The following AATF variants were observed in gnomAD, a reference collection of about 807,000 sequenced individuals.
The protein encoded by AATF is apoptosis antagonizing transcription factor.
Under a neutral mutation model 63.7 loss-of-function variants are expected in AATF, and 48 were observed. The observed-to-expected ratio is 0.75, with a 90% CI of 0.60 to 0.96. The LOEUF is 0.96. Ranked by LOEUF, AATF falls within the 40% of genes least tolerant of loss-of-function variation. AATF has a pLI of 0.00. For missense variants in AATF, 639 were observed against 685.7 expected (o/e 0.93, Z 0.76); for synonymous variants, 258 against 247.7 (o/e 1.04, Z -0.39).
At chr17:36,991,664 C>T (rs1368859738) in intron 8 of AATF, among the ~76,000 whole-genome samples, 1 of 151,500 alleles carries the variant, frequency 6.6e-6, no homozygotes, top group Non-Finnish European at 1.5e-5. Flanking sequence ...CGGCTCACTG[C>T]AAGCTCTGCC....
intron 11 of AATF, among the ~76,000 whole-genome samples, chr17:37,041,907 G>A (rs1291552808): frequency 6.6e-6 from 1 of 152,158 alleles, no homozygotes; most frequent in African/African-American, 2.4e-5. Flanking sequence ...ATATAATATG[G>A]TAGGCAGTGG....
chr17:36,961,760 G>GC (rs1172565403), intron 4 of AATF, among the ~76,000 whole-genome samples: 3 of 151,434 alleles, frequency 2.0e-5, no homozygotes, highest in African/African-American at 7.3e-5. Flanking sequence ...TGCAACCTCT[G>GC]CCCCGCCGGG....
At chr17:37,049,077 T>C (rs925671829) in intron 11 of AATF, among the ~76,000 whole-genome samples, 6 of 152,218 alleles carry the variant, frequency 3.9e-5, no homozygotes, top group Non-Finnish European at 8.8e-5. Flanking sequence ...TTAAGGAAGA[T>C]ATTGTCACCA....
chr17:36,980,138 C>T (rs1209042203), intron 4 of AATF: 4 of 152,150 alleles, frequency 2.6e-5, no homozygotes, highest in African/African-American at 9.7e-5. Context: ...GGCTTGTCCA[C>T]ATTTTATAAA....
chr17:37,036,902 T>C (rs2071596750), intron 11 of AATF, among the ~76,000 whole-genome samples: 1 of 152,148 alleles, frequency 6.6e-6, no homozygotes, highest in Admixed American at 6.5e-5. Context: ...ATGTGTTTGC[T>C]TGCAAGGGAG....
intron 8 of AATF, among the ~76,000 whole-genome samples, chr17:37,018,535 G>A (rs144639632): frequency 6.6e-6 from 1 of 152,306 alleles, no homozygotes; most frequent in Non-Finnish European, 1.5e-5. Flanking sequence ...TACAGTAAAG[G>A]CTTTTTGCCT....
chr17:36,974,845 G>C (rs2071067692), intron 4 of AATF, among the ~76,000 whole-genome samples: 1 of 152,128 alleles, frequency 6.6e-6, no homozygotes, highest in East Asian at 1.9e-4. Context: ...CTTCTTGTCA[G>C]TCAACCTTAA....
At chr17:37,031,729 G>A in intron 11 of AATF, 44 bp downstream of exon 11, 2 of 1,480,976 alleles carry the variant, frequency 1.4e-6, no homozygotes, top group Non-Finnish European at 1.9e-6. Flanking sequence ...CTTCATGACA[G>A]CCTGATATTG....
At chr17:36,968,703 C>A (rs543852576) in intron 4 of AATF, among the ~76,000 whole-genome samples, 182 of 152,122 alleles carry the variant, frequency 1.2e-3, no homozygotes, top group Middle Eastern at 3.4e-3. Flanking sequence ...CTCACTGCAG[C>A]CTCAGACTCC....
chr17:37,046,445 C>G (rs1270304961), intron 11 of AATF, among the ~76,000 whole-genome samples: 1 of 152,038 alleles, frequency 6.6e-6, no homozygotes, highest in Non-Finnish European at 1.5e-5. Flanking sequence ...CCGGGTAGGG[C>G]AGCTGGCCAG....
chr17:36,994,017 G>A (rs1212441973), intron 8 of AATF, among the ~76,000 whole-genome samples: 3 of 152,118 alleles, frequency 2.0e-5, no homozygotes, highest in Admixed American at 1.3e-4. Context: ...GTATGTATAT[G>A]TGTGTGTACA....
chr17:36,969,724 C>T (rs1357290532), intron 4 of AATF, among the ~76,000 whole-genome samples: 1 of 152,170 alleles, frequency 6.6e-6, no homozygotes, highest in African/African-American at 2.4e-5. Flanking sequence ...CATTTATATA[C>T]ACCCGGGAAA....
intron 4 of AATF, among the ~76,000 whole-genome samples, chr17:36,960,025 C>G (rs530935905): frequency 2.0e-5 from 3 of 151,532 alleles, no homozygotes; most frequent in African/African-American, 4.9e-5. Flanking sequence ...AATTTTTTTC[C>G]CCCCCCGAGA....
At position 36,953,217 on chromosome 17, in the gene AATF, T is replaced by C. The variant is rs1202342317; in HGVS notation, c.615T>C (p.Asp205=). The change falls in exon 3 of 12, where the codon GAT becomes GAC. Residue 205 remains aspartate, a synonymous_variant. Transcript: ENST00000619387. ...EDRAGDRNSE[D]DGVVMTFSSV... is the part of the protein sequence containing the mutation. Reference sequence around the variant, plus strand: ...GGGCTGGAGATAGAAACAGTGAGGATGATGGTGTGGTGATGACCTTCTCTA... The same window carrying C: ...GGGCTGGAGATAGAAACAGTGAGGACGATGGTGTGGTGATGACCTTCTCTA... 1.2e-6 allele frequency: 2 copies of C among 1,613,934 alleles called. No individual in the cohort carries two copies. Among genetic ancestry groups the C allele is most frequent in the African/African-American group, 2.7e-5 (2 of 74,872 alleles).
chr17:36,960,086 T>C (rs2070934742), intron 4 of AATF, among the ~76,000 whole-genome samples: 1 of 151,888 alleles, frequency 6.6e-6, no homozygotes, highest in Non-Finnish European at 1.5e-5. Flanking sequence ...CGACCTTGGC[T>C]CACTGCAACC....
chr17:36,953,936 C>G, intron 4 of AATF, 29 bp downstream of exon 4: 1 of 1,602,222 alleles, frequency 6.2e-7, no homozygotes, highest in Non-Finnish European at 8.5e-7. Flanking sequence ...TGTTGGAATA[C>G]TTAGAACCAC....
At chr17:36,982,216 T>C (rs1167437458) in intron 4 of AATF, among the ~76,000 whole-genome samples, 1 of 149,902 alleles carries the variant, frequency 6.7e-6, no homozygotes, top group Non-Finnish European at 1.5e-5. Flanking sequence ...TGCTTTTTCC[T>C]GTTTGTTTTT....
Position 37,056,823 on chromosome 17 carries a change from G to C in AATF, c.*159G>C, listed in dbSNP as rs1335670347. 1 of 673,490 alleles carries C rather than the reference G, an allele frequency of 1.5e-6. No individual in the cohort carries two copies. The highest frequency in any genetic ancestry group is 2.5e-6 in the Non-Finnish European group (1 of 405,052). The allele number at this position is 673,490 out of a possible 1,614,324, so 41.7% of individuals were successfully genotyped here. ...CTAATACACGCAAGGGCGCTGTCCCGCCCAACCCCGCCTTTAAACGCCACA... is the reference window on the plus strand; with the variant it reads ...CTAATACACGCAAGGGCGCTGTCCCCCCCAACCCCGCCTTTAAACGCCACA... On this transcript the variant is annotated 3_prime_UTR_variant, in exon 12 of 12. Coordinates refer to ENST00000619387, the MANE Select transcript of AATF (RefSeq NM_012138.4).
At chr17:36,970,508 G>A (rs2071030376) in intron 4 of AATF, among the ~76,000 whole-genome samples, 1 of 151,514 alleles carries the variant, frequency 6.6e-6, no homozygotes, top group Admixed American at 6.6e-5. Context: ...AGTCAAGTCA[G>A]TGGAGAATGG....
Sources: gnomAD v4.1 joint callset for allele counts (sites outside exome capture counted in the v4.1 genomes callset) on GRCh38, gnomAD v4.1.1 for gene constraint, MANE v1.5 for transcripts, NCBI Gene and HGNC (gene_info 2026-07-23, HGNC 2026-07-21) for gene names.